Variants in ZNF423 observed in about 807,000 individuals in gnomAD.
ZNF423 encodes the protein zinc finger protein 423.
ZNF423 carries 12 observed loss-of-function variants against 95.8 expected under a neutral mutation model. The ratio of observed to expected loss-of-function variants is 0.13; its 90% CI spans 0.08 to 0.20. The LOEUF (loss-of-function observed/expected upper bound fraction) is 0.20. Among genes scored for constraint, ZNF423 ranks in the 10% least tolerant of loss-of-function variants. The pLI is 1.00. For synonymous variants in ZNF423, 749 were observed against 711.9 expected (o/e 1.05, Z -0.83); for missense variants, 1,316 against 1,737.1 (o/e 0.76, Z 4.31).
At chr16:49,745,939 A>C (rs2033513945) in intron 2 of ZNF423, among the ~76,000 whole-genome samples, 1 of 152,186 alleles carries the variant, frequency 6.6e-6, no homozygotes, top group South Asian at 2.1e-4. Flanking sequence ...CAGAAGGTCC[A>C]ACTGGGATCT....
At chr16:49,776,977 T>C (rs1187228407) in intron 2 of ZNF423, among the ~76,000 whole-genome samples, 2 of 152,244 alleles carry the variant, frequency 1.3e-5, no homozygotes, top group African/African-American at 4.8e-5. Context: ...TGCATATGTG[T>C]GTATGCCTCT....
rs574176852 is a variant in ZNF423 at position 49,651,808 on chromosome 16, T to TG, written c.302-12935dup. Among the ~76,000 whole-genome samples the TG allele has an allele frequency of 3.3e-5, 5 of 152,310 alleles. No individual in the cohort carries two copies. The South Asian group carries it at 1.0e-3, about 32-fold the overall frequency. On this transcript the variant is annotated intron_variant, in intron 3 of 7. Coordinates refer to ENST00000563137, the MANE Select transcript of ZNF423 (RefSeq NM_001379286.1). ...AGGTGGTCACAGGACAAGGAGAGGC[T>TG]GGCAATGGCTGGAATGGTTTGAGGG...
intron 2 of ZNF423, among the ~76,000 whole-genome samples, chr16:49,732,582 G>T (rs148939620): frequency 6.6e-6 from 1 of 152,324 alleles, no homozygotes; most frequent in East Asian, 1.9e-4. Context: ...ATGTACATGT[G>T]TGTACATGCA....
At chr16:49,842,392 G>A (rs1437011750) in intron 1 of ZNF423, among the ~76,000 whole-genome samples, 2 of 119,062 alleles carry the variant, frequency 1.7e-5, no homozygotes, top group Non-Finnish European at 3.6e-5. Context: ...AAGGAAGGAA[G>A]GAAGGAAGGA....
At chr16:49,667,616 C>A (rs2030605775) in intron 3 of ZNF423, among the ~76,000 whole-genome samples, 2 of 152,222 alleles carry the variant, frequency 1.3e-5, no homozygotes, top group Admixed American at 6.5e-5. Context: ...GCACAGTGGC[C>A]CATGCCTATA....
At chr16:49,521,858 C>T (rs150615495) in intron 7 of ZNF423, among the ~76,000 whole-genome samples, 30 of 152,324 alleles carry the variant, frequency 2.0e-4, no homozygotes, top group African/African-American at 6.7e-4. Context: ...TGGTGAATCC[C>T]CCCGGTCCCC....
chr16:49,815,903 T>TACAC (rs2034842133), intron 1 of ZNF423, among the ~76,000 whole-genome samples: 1 of 46,446 alleles, frequency 2.2e-5, no homozygotes, highest in African/African-American at 9.7e-5. Flanking sequence ...TATATATATA[T>TACAC]ATATATATAT....
chr16:49,515,934 G>T (rs903368182), intron 7 of ZNF423, among the ~76,000 whole-genome samples: 1 of 152,174 alleles, frequency 6.6e-6, no homozygotes, highest in South Asian at 2.1e-4. Flanking sequence ...GCATGGGGCC[G>T]ATAGGGCCCC....
intron 1 of ZNF423, among the ~76,000 whole-genome samples, chr16:49,852,262 C>T (rs944678926): frequency 3.3e-5 from 5 of 152,114 alleles, no homozygotes; most frequent in African/African-American, 1.2e-4. Context: ...GGTGTATGGA[C>T]ATAGCCTGAG....
chr16:49,614,412 G>A (rs1055174841), intron 5 of ZNF423, among the ~76,000 whole-genome samples: 1 of 151,974 alleles, frequency 6.6e-6, no homozygotes, highest in Non-Finnish European at 1.5e-5. Context: ...AGTCAAACAT[G>A]CAAGTACTAC....
chr16:49,775,862 C>T (rs963335275), intron 2 of ZNF423, among the ~76,000 whole-genome samples: 5 of 152,208 alleles, frequency 3.3e-5, no homozygotes, highest in Non-Finnish European at 5.9e-5. Flanking sequence ...CCTTAACGCT[C>T]GTGTCTTTTT....
intron 2 of ZNF423, among the ~76,000 whole-genome samples, chr16:49,754,061 G>A (rs1295486823): frequency 6.6e-6 from 1 of 151,928 alleles, no homozygotes; most frequent in Admixed American, 6.6e-5. Context: ...GCATTAAAAG[G>A]TGGAGGAAGA....
At chr16:49,593,943 G>A (rs1291729965) in intron 5 of ZNF423, among the ~76,000 whole-genome samples, 2 of 152,188 alleles carry the variant, frequency 1.3e-5, no homozygotes, top group East Asian at 1.9e-4. Flanking sequence ...CATGGAACCC[G>A]CAGGTTCCCC....
At chr16:49,537,705 C>A (rs1287787717) in intron 5 of ZNF423, among the ~76,000 whole-genome samples, 1 of 152,122 alleles carries the variant, frequency 6.6e-6, no homozygotes, top group Non-Finnish European at 1.5e-5. Flanking sequence ...GTCTACTCAC[C>A]TCTCCCCTTC....
In ZNF423 at chr16:49,725,408, A is replaced by G. The variant is rs549479977; in HGVS notation, c.301+5363T>C. 7.2e-5 allele frequency among the ~76,000 whole-genome samples: 11 copies of G among 152,276 alleles called. No individual in the cohort carries two copies. The South Asian group carries it at 2.1e-3, about 29-fold the overall frequency. On this transcript the variant is annotated intron_variant, in intron 3 of 7. Transcript: ENST00000563137. ...TTAAAAAACTAATTAATTAAAAAAA[A>G]TGAAGACAGCGTCACCTTGGACACC... is the stretch of plus-strand genomic sequence containing the variant.
intron 3 of ZNF423, among the ~76,000 whole-genome samples, chr16:49,669,529 G>A (rs1415168607): frequency 2.0e-5 from 3 of 152,116 alleles, no homozygotes; most frequent in Non-Finnish European, 4.4e-5. Context: ...GCAGGCAGCC[G>A]ACAGGGCAGC....
chr16:49,626,161 C>T lies in ZNF423; in HGVS notation c.3601+9G>A. On this transcript the variant is annotated intron_variant, in intron 5 of 7. Coordinates refer to ENST00000563137, the MANE Select transcript of ZNF423 (RefSeq NM_001379286.1). ...GCTCCAGCATGGCTGGGAGGAAATG[C>T]TCTCTTACCAATCATGTGGTTGGCA... 1 of 1,613,724 alleles carries T rather than the reference C, an allele frequency of 6.2e-7. No homozygotes were observed. The highest frequency in any genetic ancestry group is 8.5e-7 in the Non-Finnish European group (1 of 1,179,698).
At chr16:49,590,238 G>T (rs550717431) in intron 5 of ZNF423, among the ~76,000 whole-genome samples, 2 of 151,708 alleles carry the variant, frequency 1.3e-5, no homozygotes, top group Non-Finnish European at 2.9e-5. Context: ...GCCCTGCTGC[G>T]CCTGCAGCCC....
In ZNF423 at chr16:49,558,260, C is replaced by T. The variant is rs955786824; in HGVS notation, c.3602-32766G>A. On this transcript the variant is annotated intron_variant, in intron 5 of 7. Transcript: ENST00000563137. The stretch of plus-strand genomic sequence containing the variant: ...GCATTTGATTGTCACAATCTCTGCA[C>T]AGGGCTAAGGAGTGACTTAAATGAG... Among the ~76,000 whole-genome samples, 2 of 152,206 alleles carry T rather than the reference C, an allele frequency of 1.3e-5. 1 individual carries two copies. Among genetic ancestry groups the T allele is most frequent in the South Asian group, 4.1e-4 (2 of 4,826 alleles).
Sources: allele counts gnomAD v4.1 joint callset (sites outside exome capture counted in the v4.1 genomes callset), GRCh38; gene constraint gnomAD v4.1.1; transcripts MANE v1.5; gene names NCBI Gene and HGNC (gene_info 2026-07-23, HGNC 2026-07-21).